Variants in CRACDL observed in about 807,000 individuals in gnomAD.
CRACDL encodes the protein CRACD like.
In CRACDL, 26 loss-of-function variants were observed where a neutral mutation model predicts 70.6. That is an observed-to-expected ratio of 0.37 (90% CI 0.27 to 0.51). CRACDL has a LOEUF of 0.51. CRACDL is among the 20% of genes least tolerant of loss of function. The pLI is 0.94. For synonymous variants in CRACDL, 618 were observed against 615.2 expected (o/e 1.00, Z -0.07); for missense variants, 1,283 against 1,376.9 (o/e 0.93, Z 1.08).
intron 1 of CRACDL, among the ~76,000 whole-genome samples, chr2:98,899,048 C>T (rs1043069474): frequency 6.6e-6 from 1 of 152,104 alleles, no homozygotes; most frequent in Non-Finnish European, 1.5e-5. Context: ...AGCAACACAC[C>T]CTCTGCTTTG....
At chr2:98,796,452 C>T (rs999440120) in intron 8 of CRACDL, among the ~76,000 whole-genome samples, 188 bp from the exon 9 acceptor site, 3 of 152,218 alleles carry the variant, frequency 2.0e-5, no homozygotes, top group Admixed American at 6.5e-5. Flanking sequence ...GACCAGTATG[C>T]GGCCTTATCC....
rs1181969802 is a variant in CRACDL, at chr2:98,795,077, A to ATTTT, written c.2750-410_2750-407dup. 5.3e-4 allele frequency among the ~76,000 whole-genome samples: 31 copies of ATTTT among 58,474 alleles called. 2 individuals are homozygous for ATTTT. Among genetic ancestry groups the ATTTT allele is most frequent in the African/African-American group, 1.5e-3 (23 of 15,082 alleles). The allele number at this position is 58,474 out of a possible 152,430, so 38.4% of individuals were successfully genotyped here. A position where few individuals can be genotyped will look rare whatever the true frequency, so the allele number is the denominator to read the frequency against. Reference sequence around the variant, plus strand: ...TATATATATATATATATATATATATATTTTTTTTTTTTTTTGAGACAGAAG... The same window carrying ATTTT: ...TATATATATATATATATATATATATATTTTTTTTTTTTTTTTTTTGAGACAGAAG... On this transcript the variant is annotated intron_variant, in intron 9 of 9. Transcript: ENST00000397899.
intron 5 of CRACDL, among the ~76,000 whole-genome samples, chr2:98,827,996 T>C (rs1188551008): frequency 6.6e-6 from 1 of 152,258 alleles, no homozygotes; most frequent in Non-Finnish European, 1.5e-5. Context: ...GAAATCTGGC[T>C]GGACATTGCC....
chr2:98,856,023 G>A (rs878952095), intron 1 of CRACDL, among the ~76,000 whole-genome samples: 1 of 152,090 alleles, frequency 6.6e-6, no homozygotes, highest in Non-Finnish European at 1.5e-5. Flanking sequence ...GAGTCCCAAA[G>A]GAGAGGACAG....
intron 1 of CRACDL, among the ~76,000 whole-genome samples, chr2:98,856,161 A>G (rs1706689885): frequency 6.6e-6 from 1 of 152,234 alleles, no homozygotes; most frequent in African/African-American, 2.4e-5. Flanking sequence ...AGAACTGCTC[A>G]CAGACACAGA....
intron 1 of CRACDL, among the ~76,000 whole-genome samples, chr2:98,857,465 A>C (rs1706751480): frequency 6.6e-6 from 1 of 152,204 alleles, no homozygotes; most frequent in Admixed American, 6.5e-5. Context: ...TTTATATCTT[A>C]CTGGAACTAA....
chr2:98,814,064 GTCT>G (rs1704681314), intron 7 of CRACDL, among the ~76,000 whole-genome samples: 1 of 151,930 alleles, frequency 6.6e-6, no homozygotes, highest in African/African-American at 2.4e-5. Context: ...TGTAATTTGT[GTCT>G]TTTTTCCCCT....
chr2:98,829,290 A>G (rs1705441939), intron 5 of CRACDL, among the ~76,000 whole-genome samples: 1 of 152,236 alleles, frequency 6.6e-6, no homozygotes, highest in Non-Finnish European at 1.5e-5. Flanking sequence ...CTTGGCATGG[A>G]GCTTAACTTC....
chr2:98,903,536 C>T (rs1708335031), intron 1 of CRACDL, among the ~76,000 whole-genome samples: 1 of 152,160 alleles, frequency 6.6e-6, no homozygotes, highest in Non-Finnish European at 1.5e-5. Context: ...CACCTCACTC[C>T]GTTAAATAAT....
At chr2:98,897,270 C>CTGTT (rs1352523130) in intron 1 of CRACDL, 100 of 556,072 alleles carry the variant, frequency 1.8e-4, no homozygotes, top group Non-Finnish European at 2.5e-4. Flanking sequence ...TTCATCCAAG[C>CTGTT]TGTTGCATGT....
In CRACDL at chr2:98,832,755, T is replaced by C. The variant is rs191516083; in HGVS notation, c.375+107A>G. 8.8e-5 allele frequency: 123 copies of C among 1,403,410 alleles called. 1 individual carries two copies. Among genetic ancestry groups the C allele is most frequent in the Non-Finnish European group, 2.9e-5 (29 of 998,184 alleles). The allele number at this position is 1,403,410 out of a possible 1,614,324, so 86.9% of individuals were successfully genotyped here. ...TCCTGGGGGAGCTGTCATGTACATG[T>C]GATTCTACTTTACAGCATATCAAAT... On this transcript the variant is annotated intron_variant, in intron 4 of 9. Coordinates refer to ENST00000397899, the MANE Select transcript of CRACDL (RefSeq NM_207362.3).
chr2:98,807,092 G>A (rs943660094), intron 7 of CRACDL, among the ~76,000 whole-genome samples: 10 of 152,150 alleles, frequency 6.6e-5, no homozygotes, highest in African/African-American at 2.2e-4. Flanking sequence ...TCCTTGCAAC[G>A]TAAGGATATT....
chr2:98,827,193 C>T (rs754837871), intron 5 of CRACDL, 24 bp from the exon 6 acceptor site: 1 of 1,573,510 alleles, frequency 6.4e-7, no homozygotes, highest in South Asian at 1.1e-5. Context: ...GGAACAAACA[C>T]ACGGAGCATG....
At chr2:98,903,910 T>C (rs747730127) in intron 1 of CRACDL, among the ~76,000 whole-genome samples, 6 of 152,190 alleles carry the variant, frequency 3.9e-5, no homozygotes, top group Non-Finnish European at 8.8e-5. Flanking sequence ...GAAGTCCTGC[T>C]CTCCCGGCCC....
intron 1 of CRACDL, among the ~76,000 whole-genome samples, chr2:98,910,875 G>A (rs575219172): frequency 2.0e-5 from 3 of 152,374 alleles, no homozygotes; most frequent in East Asian, 1.9e-4. Context: ...TAAATGAGGC[G>A]ATGTAAATAA....
chr2:98,903,013 C>T (rs1330763557), intron 1 of CRACDL, among the ~76,000 whole-genome samples: 4 of 152,122 alleles, frequency 2.6e-5, no homozygotes, highest in Non-Finnish European at 4.4e-5. Flanking sequence ...CCCAGGGCCG[C>T]GCTAGCACAC....
At chr2:98,903,426 A>C (rs563546565) in intron 1 of CRACDL, among the ~76,000 whole-genome samples, 1 of 152,192 alleles carries the variant, frequency 6.6e-6, no homozygotes, top group African/African-American at 2.4e-5. Flanking sequence ...CTGATTTCAA[A>C]CCCATTTTGT....
At chr2:98,807,544 TG>T (rs1704363003) in intron 7 of CRACDL, among the ~76,000 whole-genome samples, 1 of 152,242 alleles carries the variant, frequency 6.6e-6, no homozygotes, top group African/African-American at 2.4e-5. Flanking sequence ...AGAACTGCAG[TG>T]CAGCATGACA....
chr2:98,839,895 G>A (rs1370495889), intron 2 of CRACDL, among the ~76,000 whole-genome samples: 1 of 152,004 alleles, frequency 6.6e-6, no homozygotes, highest in African/African-American at 2.4e-5. Flanking sequence ...TATCATAAAT[G>A]TGCCTCTTCT....
Sources: gnomAD v4.1 joint callset for allele counts (sites outside exome capture counted in the v4.1 genomes callset) on GRCh38, gnomAD v4.1.1 for gene constraint, MANE v1.5 for transcripts, NCBI Gene and HGNC (gene_info 2026-07-23, HGNC 2026-07-21) for gene names.